Variants in SMOC2 observed in about 807,000 individuals in gnomAD.
SMOC2 encodes SPARC-related modular calcium-binding protein 2.
In SMOC2, 39 loss-of-function variants were observed where a neutral mutation model predicts 61.4. The ratio of observed to expected loss-of-function variants is 0.64; its 90% confidence interval spans 0.49 to 0.83. SMOC2 has a LOEUF of 0.83. Ranked by LOEUF, SMOC2 falls within the 40% of genes least tolerant of loss-of-function variation. SMOC2 has a pLI of 0.00. For missense variants in SMOC2, 556 were observed against 592.9 expected (o/e 0.94, Z 0.65); for synonymous variants, 247 against 239.9 (o/e 1.03, Z -0.27).
intron 9 of SMOC2, among the ~76,000 whole-genome samples, chr6:168,629,273 C>T (rs78466035): frequency 0.031 from 4,673 of 152,340 alleles, 262 homozygotes; most frequent in African/African-American, 0.11. Context: ...AGGTCCTCAT[C>T]GCCCCCAAGT....
intron 7 of SMOC2, among the ~76,000 whole-genome samples, chr6:168,570,898 G>A (rs7753133): frequency 0.53 from 80,673 of 151,986 alleles, 23,693 homozygotes; most frequent in African/African-American, 0.8. Context: ...TTTTTTAAAC[G>A]TCTTGTTTTC....
intron 4 of SMOC2, among the ~76,000 whole-genome samples, chr6:168,531,839 C>G (rs1234516010): frequency 1.3e-5 from 2 of 152,146 alleles, no homozygotes; most frequent in Non-Finnish European, 2.9e-5. Context: ...CCATGTTTCT[C>G]CCCCAAATAC....
chr6:168,587,809 G>A (rs774457812), intron 7 of SMOC2, among the ~76,000 whole-genome samples: 3 of 152,140 alleles, frequency 2.0e-5, no homozygotes, highest in Admixed American at 6.5e-5. Flanking sequence ...CAGGTTTGCC[G>A]AACACAGTTC....
At chr6:168,577,901 T>C (rs1039126244) in intron 7 of SMOC2, among the ~76,000 whole-genome samples, 1 of 152,228 alleles carries the variant, frequency 6.6e-6, no homozygotes, top group African/African-American at 2.4e-5. Context: ...CTGATCCCAC[T>C]GAATCCATCT....
At chr6:168,560,504 G>GCATTCT (rs1562348147) in intron 7 of SMOC2, among the ~76,000 whole-genome samples, 1 of 125,008 alleles carries the variant, frequency 8.0e-6, no homozygotes, top group Non-Finnish European at 1.7e-5. Context: ...GCCCTGAGAT[G>GCATTCT]TGAGGCTCTC....
intron 9 of SMOC2, among the ~76,000 whole-genome samples, chr6:168,620,921 C>A (rs1189334331): frequency 6.6e-6 from 1 of 152,054 alleles, no homozygotes; most frequent in East Asian, 1.9e-4. Context: ...GGCTGCAGTG[C>A]CCAGATGCAT....
In SMOC2 at chr6:168,441,469, GCGGGACCT is replaced by G; in HGVS notation, c.84+16_84+23del. 2 of 1,488,922 alleles carry G rather than the reference GCGGGACCT, an allele frequency of 1.3e-6. No individual in the cohort carries two copies. Among genetic ancestry groups the G allele is most frequent in the Non-Finnish European group, 1.8e-6 (2 of 1,123,414 alleles). 92.2% of individuals were successfully genotyped at this position (1,488,922 alleles called of 1,614,324 possible). ...CGGCGCTCACGGTAAGCCCGGGCCCGCGGGACCTGGAGCTCAAGTGGTGCCGCCTCTTG... is the reference window on the plus strand; with the variant it reads ...CGGCGCTCACGGTAAGCCCGGGCCCGGGAGCTCAAGTGGTGCCGCCTCTTG... On this transcript the variant is annotated intron_variant, in intron 1 of 12. Coordinates refer to ENST00000356284, the MANE Select transcript of SMOC2 (RefSeq NM_001166412.2).
chr6:168,642,164 C>T (rs903717187), intron 9 of SMOC2, among the ~76,000 whole-genome samples: 4 of 152,108 alleles, frequency 2.6e-5, no homozygotes, highest in African/African-American at 9.7e-5. Flanking sequence ...ATAAGGCAAC[C>T]GCCCAAGCCG....
chr6:168,597,414 T>C (rs1785360878), intron 7 of SMOC2, among the ~76,000 whole-genome samples: 1 of 152,222 alleles, frequency 6.6e-6, no homozygotes. Context: ...CCTTTTAGCA[T>C]TGGAAAAATT....
chr6:168,576,523 C>A (rs1329250605), intron 7 of SMOC2, among the ~76,000 whole-genome samples: 1 of 152,060 alleles, frequency 6.6e-6, no homozygotes, highest in African/African-American at 2.4e-5. Context: ...CCTGTGAGGA[C>A]CTTAGGGAGC....
intron 9 of SMOC2, among the ~76,000 whole-genome samples, chr6:168,609,283 G>T (rs1335202514): frequency 1.3e-5 from 2 of 152,116 alleles, no homozygotes; most frequent in Admixed American, 6.5e-5. Context: ...AGTTCTTCAT[G>T]GTTTCCCAGC....
intron 1 of SMOC2, among the ~76,000 whole-genome samples, chr6:168,486,052 G>A (rs530166669): frequency 3.3e-5 from 5 of 152,122 alleles, no homozygotes; most frequent in African/African-American, 9.7e-5. Flanking sequence ...GTTGTGTACC[G>A]TTCGTACGGT....
chr6:168,565,075 C>T (rs1407090046), intron 7 of SMOC2, among the ~76,000 whole-genome samples: 2 of 152,106 alleles, frequency 1.3e-5, no homozygotes, highest in African/African-American at 4.8e-5. Flanking sequence ...AAAATTATTC[C>T]TTATTTACCT....
intron 1 of SMOC2, among the ~76,000 whole-genome samples, chr6:168,502,237 G>T (rs991358399): frequency 6.6e-6 from 1 of 152,182 alleles, no homozygotes; most frequent in African/African-American, 2.4e-5. Flanking sequence ...ACTTTCTCGT[G>T]CACTATCACA....
chr6:168,492,817 C>A (rs1000705902), intron 1 of SMOC2, among the ~76,000 whole-genome samples: 20 of 152,214 alleles, frequency 1.3e-4, no homozygotes, highest in Non-Finnish European at 2.9e-4. Context: ...CATTGCATTT[C>A]TCTGGCTTTA....
At chr6:168,449,442 T>C (rs1363364200) in intron 1 of SMOC2, among the ~76,000 whole-genome samples, 1 of 152,168 alleles carries the variant, frequency 6.6e-6, no homozygotes, top group East Asian at 1.9e-4. Flanking sequence ...GGAAATTCCA[T>C]ATGTGCTTAT....
At chr6:168,629,478 C>T (rs529695020) in intron 9 of SMOC2, among the ~76,000 whole-genome samples, 7 of 152,372 alleles carry the variant, frequency 4.6e-5, no homozygotes, top group Non-Finnish European at 4.4e-5. Flanking sequence ...GCTGCCTGAG[C>T]TCTGGACCCC....
rs566765408 is a variant in SMOC2, at chr6:168,460,847, T to C, written c.84+19393T>C. ...CCAAAGATGCAAAATAATGTCAACATATTGTAGATATTCTTTGATTAAAAT... is the reference window on the plus strand; with the variant it reads ...CCAAAGATGCAAAATAATGTCAACACATTGTAGATATTCTTTGATTAAAAT... On this transcript the variant is annotated intron_variant, in intron 1 of 12. Transcript: ENST00000356284. Among the ~76,000 whole-genome samples the C allele has an allele frequency of 5.9e-5, 9 of 152,294 alleles. No individual in the cohort carries two copies. The South Asian group carries it at 1.9e-3, about 32-fold the overall frequency.
intron 7 of SMOC2, among the ~76,000 whole-genome samples, chr6:168,597,709 C>T (rs1306354237): frequency 6.6e-6 from 1 of 152,214 alleles, no homozygotes; most frequent in African/African-American, 2.4e-5. Context: ...AGATTCGTGA[C>T]GTCCCAGCCC....
Sources: gnomAD v4.1 joint callset for allele counts (sites outside exome capture counted in the v4.1 genomes callset) on GRCh38, gnomAD v4.1.1 for gene constraint, MANE v1.5 for transcripts, NCBI Gene and HGNC (gene_info 2026-07-23, HGNC 2026-07-21) for gene names.